The following LTBP2 variants were observed in gnomAD, a reference collection of about 807,000 sequenced individuals.
The protein encoded by LTBP2 is latent-transforming growth factor beta-binding protein 2.
LTBP2 carries 103 observed loss-of-function variants against 210.6 expected under a neutral mutation model. That is an observed-to-expected ratio of 0.49 (90% CI 0.42 to 0.58). The LOEUF (loss-of-function observed/expected upper bound fraction) is 0.58. Ranked by LOEUF, LTBP2 falls within the 20% of genes least tolerant of loss-of-function variation. The pLI, the probability that LTBP2 is intolerant of heterozygous loss-of-function variation, is 0.00. For missense variants in LTBP2, 2,313 were observed against 2,494.5 expected, an observed-to-expected ratio of 0.93 and a Z score of 1.55; for synonymous variants, 1,007 against 1,015.0, an observed-to-expected ratio of 0.99 and a Z score of 0.15.
intron 8 of LTBP2, among the ~76,000 whole-genome samples, chr14:74,540,026 C>T (rs1362273644): frequency 6.6e-6 from 1 of 152,168 alleles, no homozygotes; most frequent in Non-Finnish European, 1.5e-5. Context: ...GAAATAAATG[C>T]CAAGCCACTG....
intron 13 of LTBP2, among the ~76,000 whole-genome samples, 179 bp downstream of exon 13, chr14:74,527,168 G>A (rs908214373): frequency 6.6e-6 from 1 of 152,206 alleles, no homozygotes; most frequent in Non-Finnish European, 1.5e-5. Flanking sequence ...TTCCTTTAGG[G>A]TAAAACTGGG....
intron 34 of LTBP2, 137 bp downstream of exon 34, chr14:74,502,516 G>A: frequency 8.2e-7 from 1 of 1,217,376 alleles, no homozygotes; most frequent in South Asian, 1.3e-5. Flanking sequence ...AGCGAGCCGT[G>A]AACGGGGACC....
chr14:74,515,510 G>A (rs1031464114), intron 18 of LTBP2, among the ~76,000 whole-genome samples: 1 of 152,126 alleles, frequency 6.6e-6, no homozygotes, highest in African/African-American at 2.4e-5. Flanking sequence ...ACCTGCCTCG[G>A]CCTCCCAAAG....
chr14:74,582,943 G>A (rs1286629128), intron 3 of LTBP2, among the ~76,000 whole-genome samples: 1 of 152,226 alleles, frequency 6.6e-6, no homozygotes, highest in Non-Finnish European at 1.5e-5. Flanking sequence ...CTTCCCAGCT[G>A]CCTGGCTTTT....
chr14:74,603,752 G>T, intron 1 of LTBP2, 47 bp from the exon 2 acceptor site: 3 of 1,522,370 alleles, frequency 2.0e-6, no homozygotes, highest in Non-Finnish European at 1.8e-6. Flanking sequence ...CTCAGAGCTG[G>T]GGACTATTCA....
intron 17 of LTBP2, among the ~76,000 whole-genome samples, chr14:74,520,205 G>C (rs1199260884): frequency 6.6e-6 from 1 of 152,180 alleles, no homozygotes; most frequent in African/African-American, 2.4e-5. Context: ...TCTCTACCTG[G>C]AATACCCTCT....
chr14:74,582,393 TACATACACAC>T (rs1472609682), intron 3 of LTBP2, among the ~76,000 whole-genome samples: 8 of 87,512 alleles, frequency 9.1e-5, no homozygotes, highest in African/African-American at 3.8e-4. Context: ...CACACACACA[TACATACACAC>T]ACACACACAC....
chr14:74,564,177 ATATATATATTTATATATATATT>A (rs2087850845), intron 3 of LTBP2, among the ~76,000 whole-genome samples: 1 of 15,244 alleles, frequency 6.6e-5, no homozygotes, highest in Non-Finnish European at 1.1e-4. Context: ...ATATATATTT[ATATATATATTTATATATATATT>A]TATATATATT....
chr14:74,504,811 C>T lies in LTBP2; in HGVS notation c.4420G>A (p.Gly1474Arg), dbSNP rs2086960572. The change falls in exon 30 of 36, where the codon GGA becomes AGA. Residue 1474 changes from glycine (G) to arginine (R), a missense_variant. This residue lies in a region of LTBP2 where 443 missense variants were observed against 501.4 expected (regional missense o/e 0.88). Transcript: ENST00000261978. ...PSGKGYIPVEGAWTFGQTMYT... is the reference protein window; with the variant it reads ...PSGKGYIPVERAWTFGQTMYT... Reference sequence around the variant, plus strand: ...ATGGTCTGTCCAAACGTCCAGGCTCCTTCCACAGGAATGTAGCCTTTTCCA... The same window carrying T: ...ATGGTCTGTCCAAACGTCCAGGCTCTTTCCACAGGAATGTAGCCTTTTCCA... The T allele has an allele frequency of 1.2e-6, 2 of 1,614,236 alleles. No individual in the cohort carries two copies. The highest frequency in any genetic ancestry group is 1.7e-6 in the Non-Finnish European group (2 of 1,180,030).
intron 2 of LTBP2, among the ~76,000 whole-genome samples, chr14:74,596,202 G>A (rs1208649422): frequency 1.3e-5 from 2 of 151,520 alleles, no homozygotes; most frequent in Admixed American, 1.3e-4. Flanking sequence ...TCCAGCCTGG[G>A]TGACAGAGCC....
chr14:74,533,214 C>A (rs1030480142), intron 9 of LTBP2, among the ~76,000 whole-genome samples: 2 of 152,148 alleles, frequency 1.3e-5, no homozygotes, highest in Non-Finnish European at 2.9e-5. Flanking sequence ...CATATAATAC[C>A]CCATTTAATT....
intron 3 of LTBP2, among the ~76,000 whole-genome samples, chr14:74,575,811 T>A (rs1388221612): frequency 6.6e-6 from 1 of 152,192 alleles, no homozygotes; most frequent in African/African-American, 2.4e-5. Flanking sequence ...TCAAAAAGCA[T>A]GAGCAGGGCT....
At chr14:74,543,721 A>T (rs1349308530) in intron 8 of LTBP2, among the ~76,000 whole-genome samples, 2 of 152,188 alleles carry the variant, frequency 1.3e-5, no homozygotes, top group African/African-American at 4.8e-5. Context: ...TATGAACATG[A>T]AATAAGCATG....
chr14:74,577,522 T>C (rs919192473), intron 3 of LTBP2, among the ~76,000 whole-genome samples: 1 of 151,604 alleles, frequency 6.6e-6, no homozygotes. Context: ...TTTTTTTTTT[T>C]TCTTGAAACA....
At chr14:74,606,362 A>G (rs969437319) in intron 1 of LTBP2, among the ~76,000 whole-genome samples, 2 of 152,198 alleles carry the variant, frequency 1.3e-5, no homozygotes, top group Non-Finnish European at 2.9e-5. Context: ...TTGTCTCCAC[A>G]ACCATCCACA....
At chr14:74,557,044 T>C (rs2087738488) in intron 3 of LTBP2, among the ~76,000 whole-genome samples, 1 of 152,124 alleles carries the variant, frequency 6.6e-6, no homozygotes, top group Non-Finnish European at 1.5e-5. Flanking sequence ...GGCAGATCAC[T>C]TGAGGCCAGG....
intron 3 of LTBP2, among the ~76,000 whole-genome samples, chr14:74,579,735 G>A (rs1410485761): frequency 2.0e-5 from 3 of 152,206 alleles, no homozygotes; most frequent in East Asian, 1.9e-4. Flanking sequence ...GATTAGTGCA[G>A]GCAGAGGACA....
rs770291952 is a variant in LTBP2 at position 74,552,255 on chromosome 14, C to G, written c.1331G>C (p.Arg444Pro). The change falls in exon 6 of 36, where the codon CGC (arginine) becomes CCC (proline). Residue 444 changes from arginine to proline, a missense_variant. Physicochemically the swap from Arg to Pro is moderately radical, Grantham distance 103. Around this residue, in one of 3 missense-constraint regions of LTBP2, gnomAD observed 1,867 missense variants for 1,976.9 expected, o/e 0.94. Coordinates refer to ENST00000261978, the MANE Select transcript of LTBP2 (RefSeq NM_000428.3). ...PDREPPGRGS[R>P]PRALLEAPLK... ...TGGGGCTTCCAGCAAGGCCCTGGGGCGGGACCCCCTCCCTGGAGGCTCCCT... is the reference window on the plus strand; with the variant it reads ...TGGGGCTTCCAGCAAGGCCCTGGGGGGGGACCCCCTCCCTGGAGGCTCCCT... The G allele has an allele frequency of 6.2e-7, 1 of 1,613,008 alleles. No individual in the cohort carries two copies. Among genetic ancestry groups the G allele is most frequent in the East Asian group, 2.2e-5 (1 of 44,872 alleles).
chr14:74,611,712 G>T lies in LTBP2; in HGVS notation c.233C>A (p.Pro78His), dbSNP rs773569346. ...VYSLFREQDAPVAGLQPVERA... is the reference protein window; with the variant it reads ...VYSLFREQDAHVAGLQPVERA... ...CTCCACGGGCTGCAAGCCCGCGACA[G>T]GCGCGTCCTGCTCCCGGAACAGACT... The change falls in exon 1 of 36, where the codon CCT becomes CAT. Residue 78 changes from proline to histidine, a missense_variant. By Grantham distance (77) the Pro-to-His change is moderately conservative. Transcript: ENST00000261978. The T allele has an allele frequency of 6.3e-7, 1 of 1,593,156 alleles. No homozygotes were observed.
Sources: allele counts gnomAD v4.1 joint callset (sites outside exome capture counted in the v4.1 genomes callset), GRCh38; gene constraint gnomAD v4.1.1; regional missense constraint gnomAD v4.1.1; transcripts MANE v1.5; gene names NCBI Gene and HGNC (gene_info 2026-07-23, HGNC 2026-07-21).